The following ZNF362 variants were observed in gnomAD, a reference collection of about 807,000 sequenced individuals.
ZNF362 encodes zinc finger protein 362, also known as rotund homolog.
Under a neutral mutation model 42.9 loss-of-function variants are expected in ZNF362, and 11 were observed. The observed-to-expected ratio is 0.26, with a 90% CI of 0.16 to 0.42. The LOEUF (loss-of-function observed/expected upper bound fraction) is 0.42, where lower values mean the gene tolerates loss of function less well. ZNF362 is among the 20% of genes least tolerant of loss of function. The pLI is 1.00. For synonymous variants in ZNF362, 255 were observed against 257.3 expected, an observed-to-expected ratio of 0.99 and a Z score of 0.09; for missense variants, 362 against 576.2, an observed-to-expected ratio of 0.63 and a Z score of 3.81.
Position 33,296,915 on chromosome 1 carries a change from C to G in ZNF362, c.1146+1610C>G, listed in dbSNP as rs143627320. Reference sequence around the variant, plus strand: ...AAAATCCTGGGCTCAAGGGATCCTCCTGCTTCAACCTCCAGAGTAGCTGGG... The same window carrying G: ...AAAATCCTGGGCTCAAGGGATCCTCGTGCTTCAACCTCCAGAGTAGCTGGG... On this transcript the variant is annotated intron_variant, in intron 8 of 8. Transcript: ENST00000539719. Among the ~76,000 whole-genome samples the G allele has an allele frequency of 1.1e-4, 17 of 151,592 alleles. No homozygotes were observed. The East Asian group carries it at 3.1e-3, about 28-fold the overall frequency.
the ZNF362 span, among the ~76,000 whole-genome samples, chr1:33,197,495 A>G: frequency 6.6e-6 from 1 of 152,204 alleles, no homozygotes; most frequent in East Asian, 1.9e-4. Flanking sequence ...TGCGTCCATC[A>G]TTGATCAAAA....
At chr1:33,162,833 C>T in the ZNF362 span, 1 of 152,292 alleles carries the variant, frequency 6.6e-6, no homozygotes, top group African/African-American at 2.4e-5. Context: ...GCAGGACACC[C>T]CAGGAGACAT....
the ZNF362 span, among the ~76,000 whole-genome samples, chr1:33,229,037 G>C: frequency 1.3e-5 from 2 of 152,052 alleles, no homozygotes; most frequent in Non-Finnish European, 2.9e-5. Flanking sequence ...GGTTTTCCTC[G>C]AGGTATCTGT....
At chr1:33,264,215 G>A (rs554541793) in intron 1 of ZNF362, among the ~76,000 whole-genome samples, 3 of 152,252 alleles carry the variant, frequency 2.0e-5, no homozygotes, top group African/African-American at 7.2e-5. Context: ...TGGCTTTCCT[G>A]TTTTTAGTTA....
At chr1:33,184,811 C>T in the ZNF362 span, among the ~76,000 whole-genome samples, 1 of 152,120 alleles carries the variant, frequency 6.6e-6, no homozygotes, top group African/African-American at 2.4e-5. Context: ...GATGGAGTCT[C>T]GCTCTGTCAC....
At chr1:33,206,387 G>GA in the ZNF362 span, among the ~76,000 whole-genome samples, 1 of 151,848 alleles carries the variant, frequency 6.6e-6, no homozygotes, top group Non-Finnish European at 1.5e-5. Flanking sequence ...CAACAAACAA[G>GA]AAAAAATTGA....
At chr1:33,139,407 G>A in the ZNF362 span, among the ~76,000 whole-genome samples, 1 of 152,338 alleles carries the variant, frequency 6.6e-6, no homozygotes, top group South Asian at 2.1e-4. Context: ...CCCATCTTGA[G>A]ATGCTCATGC....
intron 3 of ZNF362, 81 bp downstream of exon 3, chr1:33,276,244 G>A (rs1645945276): frequency 3.8e-6 from 6 of 1,592,980 alleles, no homozygotes; most frequent in East Asian, 2.2e-5. Flanking sequence ...TGTGGCCTGC[G>A]GGGAGCGGGG....
rs544362232 is a variant in ZNF362, at chr1:33,296,508, G to C, written c.1146+1203G>C. Among the ~76,000 whole-genome samples the C allele has an allele frequency of 1.7e-3, 257 of 152,312 alleles. 1 individual carries two copies. The highest frequency in any genetic ancestry group is 3.1e-3 in the Non-Finnish European group (213 of 68,040). On this transcript the variant is annotated intron_variant, in intron 8 of 8. Transcript: ENST00000539719. ...AAAATCACCTCAATTGAGAACCACT[G>C]TGATAAAAGTGTGTTTTGAAAGACA...
the ZNF362 span, among the ~76,000 whole-genome samples, chr1:33,232,593 C>T: frequency 1.3e-5 from 2 of 152,194 alleles, no homozygotes; most frequent in African/African-American, 4.8e-5. Context: ...ATTGTCATGT[C>T]TGCGGATGGT....
chr1:33,271,001 G>A (rs930034213), intron 2 of ZNF362, among the ~76,000 whole-genome samples: 4 of 152,098 alleles, frequency 2.6e-5, no homozygotes, highest in African/African-American at 7.2e-5. Flanking sequence ...CTCTTTGGCC[G>A]CTCTCCTCCC....
At chr1:33,298,891 C>CTGGT (rs747454777) in intron 8 of ZNF362, 39 bp from the exon 9 acceptor site, 6 of 1,566,170 alleles carry the variant, frequency 3.8e-6, no homozygotes, top group Admixed American at 1.7e-5. Context: ...CCCTCCCTTG[C>CTGGT]TGGTGGTTCC....
At chr1:33,171,167 T>C in the ZNF362 span, among the ~76,000 whole-genome samples, 1 of 152,016 alleles carries the variant, frequency 6.6e-6, no homozygotes, top group Non-Finnish European at 1.5e-5. Flanking sequence ...GAGAACAAAC[T>C]AGAAATTTTA....
chr1:33,246,027 G>C, the ZNF362 span, among the ~76,000 whole-genome samples: 2 of 152,178 alleles, frequency 1.3e-5, no homozygotes, highest in East Asian at 3.8e-4. Context: ...GTAACTGGAA[G>C]GGACAAGACA....
chr1:33,159,862 A>G, the ZNF362 span: 1 of 1,613,032 alleles, frequency 6.2e-7, no homozygotes, highest in Non-Finnish European at 8.5e-7. This position sits in a 1 kb window ranked among gnomAD's most constrained non-coding sequence, Gnocchi z 4.2. Flanking sequence ...CTCCTCTAGC[A>G]TGGCCTTCTG....
At chr1:33,270,457 A>T (rs751712378) in intron 1 of ZNF362, 30 bp from the exon 2 acceptor site, 5 of 644,104 alleles carry the variant, frequency 7.8e-6, no homozygotes, top group Non-Finnish European at 1.4e-5. Context: ...TATTATTGTT[A>T]TTATTGTTAT....
intron 8 of ZNF362, among the ~76,000 whole-genome samples, chr1:33,295,748 C>A (rs12073145): frequency 6.6e-6 from 1 of 152,194 alleles, no homozygotes; most frequent in African/African-American, 2.4e-5. Flanking sequence ...ATTCAGCTCC[C>A]GTCCCTGGGT....
At chr1:33,165,581 G>C in the ZNF362 span, 4 of 1,594,784 alleles carry the variant, frequency 2.5e-6, no homozygotes, top group East Asian at 2.3e-5. The surrounding 1 kb of genome is among the most constrained non-coding windows in gnomAD (Gnocchi z 4.0). Flanking sequence ...AACACACACA[G>C]GGCCGGGATG....
In ZNF362 at chr1:33,256,811, T is replaced by G. The variant is rs749572555; in HGVS notation, c.-89+157T>G. 4.4e-3 allele frequency among the ~76,000 whole-genome samples: 597 copies of G among 136,466 alleles called. 2 individuals carry two copies. Among genetic ancestry groups the G allele is most frequent in the Non-Finnish European group, 6.6e-3 (412 of 62,328 alleles). The allele number at this position is 136,466 out of a possible 152,430, so 89.5% of individuals were successfully genotyped here. ...CCGAGGGCCCGGGGCCGCCTGCGCC[T>G]CGGGCCCGGCCCAGAGCGGCGGCGG... On this transcript the variant is annotated intron_variant, in intron 1 of 8. Coordinates refer to ENST00000539719, the MANE Select transcript of ZNF362 (RefSeq NM_152493.3).
Sources: allele counts gnomAD v4.1 joint callset (sites outside exome capture counted in the v4.1 genomes callset), GRCh38; gene constraint gnomAD v4.1.1; non-coding constraint Gnocchi (gnomAD v3.1); transcripts MANE v1.5; gene names NCBI Gene and HGNC (gene_info 2026-07-23, HGNC 2026-07-21).